ARSJ: variants seen among roughly 807,000 people sequenced by gnomAD.
ARSJ encodes the protein arylsulfatase family member J.
In ARSJ, 26 loss-of-function variants were observed where a neutral mutation model predicts 35.9. The observed-to-expected ratio is 0.72, with a 90% CI of 0.53 to 1.00. The LOEUF (loss-of-function observed/expected upper bound fraction) is 1.00. Ranked by LOEUF, ARSJ falls within the 50% of genes least tolerant of loss-of-function variation. The pLI is 0.00. For synonymous variants in ARSJ, 294 were observed against 267.6 expected, an observed-to-expected ratio of 1.10 and a Z score of -0.96; for missense variants, 667 against 723.6, an observed-to-expected ratio of 0.92 and a Z score of 0.90.
chr4:113,961,897 CTGTGTGTGTGTGTGTGTGTGTG>C (rs60701922), intron 1 of ARSJ, among the ~76,000 whole-genome samples: 29 of 148,146 alleles, frequency 2.0e-4, no homozygotes, highest in African/African-American at 4.0e-4. Flanking sequence ...CTCTCTCTCT[CTGTGTGTGTGTGTGTGTGTGTG>C]TGTGTGTGTG....
At chr4:113,965,174 A>G (rs1726813449) in intron 1 of ARSJ, among the ~76,000 whole-genome samples, 1 of 152,154 alleles carries the variant, frequency 6.6e-6, no homozygotes, top group Non-Finnish European at 1.5e-5. Context: ...GAAAGGTAAT[A>G]TTGACATCAT....
At chr4:113,924,789 G>A (rs1331405509) in intron 1 of ARSJ, among the ~76,000 whole-genome samples, 1 of 152,138 alleles carries the variant, frequency 6.6e-6, no homozygotes, top group Non-Finnish European at 1.5e-5. Context: ...CTTAACAAAA[G>A]AGGGAGGAAA....
Position 113,901,169 on chromosome 4 carries a change from C to T in ARSJ, c.*1105G>A, listed in dbSNP as rs927132450. On this transcript the variant is annotated 3_prime_UTR_variant, in exon 2 of 2. Transcript: ENST00000315366. ...TAGCTAGAAGTTAGATCAGAAAAGC[C>T]ACAGTAAATTTTCTAGTGCCATAAA... 1.3e-5 allele frequency: 2 copies of T among 151,982 alleles called. No individual in the cohort carries two copies. Among genetic ancestry groups the T allele is most frequent in the African/African-American group, 4.8e-5 (2 of 41,368 alleles). The allele number at this position is 151,982 out of a possible 1,614,324, so 9.4% of individuals were successfully genotyped here. A position where few individuals can be genotyped will look rare whatever the true frequency, so the allele number is the denominator to read the frequency against.
At chr4:113,965,430 G>A (rs1259710363) in intron 1 of ARSJ, among the ~76,000 whole-genome samples, 1 of 151,990 alleles carries the variant, frequency 6.6e-6, no homozygotes, top group Non-Finnish European at 1.5e-5. Context: ...TGTTGGAGTT[G>A]GAATCTTAGC....
intron 1 of ARSJ, among the ~76,000 whole-genome samples, chr4:113,941,844 AG>A (rs1400616866): frequency 7.9e-5 from 12 of 152,178 alleles, no homozygotes; most frequent in African/African-American, 2.9e-4. Context: ...TATCTACTTT[AG>A]CAGAATTCTG....
intron 1 of ARSJ, among the ~76,000 whole-genome samples, chr4:113,947,457 G>A (rs1210656844): frequency 1.3e-5 from 2 of 150,356 alleles, no homozygotes; most frequent in African/African-American, 2.4e-5. Context: ...TCCAGCCTGG[G>A]CAAGAGAATG....
In ARSJ at chr4:113,979,306, A is replaced by G. The variant is rs1043999954; in HGVS notation, c.-472T>C. 6.3e-6 allele frequency: 1 copy of G among 158,098 alleles called. No homozygotes were observed. Among genetic ancestry groups the G allele is most frequent in the African/African-American group, 2.4e-5 (1 of 41,506 alleles). 9.8% of individuals were successfully genotyped at this position (158,098 alleles called of 1,614,324 possible). ...TCTGTCCTGCGGTCCCCACACCTGG[A>G]AAGAACTGCGAAGTGGACGCGTCGC... On this transcript the variant is annotated 5_prime_UTR_variant, in exon 1 of 2. Coordinates refer to ENST00000315366, the MANE Select transcript of ARSJ (RefSeq NM_024590.4).
chr4:113,948,693 T>C (rs1188515104), intron 1 of ARSJ, among the ~76,000 whole-genome samples: 2 of 152,130 alleles, frequency 1.3e-5, no homozygotes, highest in African/African-American at 4.8e-5. Context: ...CCAAGTTTCA[T>C]AGCACATATT....
chr4:113,928,244 A>T (rs1450192056), intron 1 of ARSJ, among the ~76,000 whole-genome samples: 2 of 152,060 alleles, frequency 1.3e-5, no homozygotes, highest in African/African-American at 4.8e-5. Context: ...GCTCAGTTAC[A>T]CTTGTAAAAG....
intron 1 of ARSJ, among the ~76,000 whole-genome samples, chr4:113,945,151 A>T (rs1302280123): frequency 6.6e-6 from 1 of 151,988 alleles, no homozygotes; most frequent in African/African-American, 2.4e-5. Context: ...ATATACATAC[A>T]TATTTTAAGA....
At chr4:113,967,492 C>A (rs1398086067) in intron 1 of ARSJ, among the ~76,000 whole-genome samples, 1 of 152,036 alleles carries the variant, frequency 6.6e-6, no homozygotes, top group Non-Finnish European at 1.5e-5. Flanking sequence ...AAAGAATGGT[C>A]TTTTAAGTTC....
At chr4:113,933,669 G>A (rs896485584) in intron 1 of ARSJ, among the ~76,000 whole-genome samples, 38 of 151,674 alleles carry the variant, frequency 2.5e-4, no homozygotes, top group African/African-American at 8.5e-4. Flanking sequence ...AAAAGCTTCC[G>A]ATAAAATTCA....
At chr4:113,915,468 A>C (rs1301754551) in intron 1 of ARSJ, among the ~76,000 whole-genome samples, 3 of 152,112 alleles carry the variant, frequency 2.0e-5, no homozygotes, top group Non-Finnish European at 4.4e-5. Flanking sequence ...CCTGATATTT[A>C]TTATAGATCA....
intron 1 of ARSJ, among the ~76,000 whole-genome samples, chr4:113,940,786 A>G (rs1725106743): frequency 6.6e-6 from 1 of 152,066 alleles, no homozygotes; most frequent in South Asian, 2.1e-4. Flanking sequence ...AACATGGATT[A>G]AAATTTTAAA....
chr4:113,913,015 T>C (rs1297979032), intron 1 of ARSJ, among the ~76,000 whole-genome samples: 1 of 152,148 alleles, frequency 6.6e-6, no homozygotes, highest in Non-Finnish European at 1.5e-5. Context: ...ATGGACACAC[T>C]CACTCATCTC....
intron 1 of ARSJ, among the ~76,000 whole-genome samples, chr4:113,915,354 G>T (rs1723231507): frequency 6.6e-6 from 1 of 151,904 alleles, no homozygotes; most frequent in South Asian, 2.1e-4. Flanking sequence ...ATCAAGATAT[G>T]GAATTAACAT....
chr4:113,902,602 T>C lies in ARSJ; in HGVS notation c.1472A>G (p.Lys491Arg). 6.2e-7 allele frequency: 1 copy of C among 1,614,156 alleles called. No homozygotes were observed. Among genetic ancestry groups the C allele is most frequent in the Non-Finnish European group, 8.5e-7 (1 of 1,180,020 alleles). ...HNERITLSTG[K>R]SVWLFNITAD... Reference sequence around the variant, plus strand: ...TGTGATGTTGAAAAGCCATACACTTTTGCCAGTTGACAAGGTGATCCGTTC... The same window carrying C: ...TGTGATGTTGAAAAGCCATACACTTCTGCCAGTTGACAAGGTGATCCGTTC... Residue 491 changes from lysine (K) to arginine (R), a missense_variant, in exon 2 of 2, where the codon AAA (lysine) becomes AGA (arginine). Physicochemically the swap from Lys to Arg is conservative, Grantham distance 26 (BLOSUM62 2). Transcript: ENST00000315366.
intron 1 of ARSJ, among the ~76,000 whole-genome samples, chr4:113,965,428 T>C (rs143177300): frequency 8.1e-4 from 124 of 152,170 alleles, no homozygotes; most frequent in Non-Finnish European, 6.5e-4. Flanking sequence ...AGTGTTGGAG[T>C]TGGAATCTTA....
chr4:113,959,042 A>C (rs1454153682), intron 1 of ARSJ, among the ~76,000 whole-genome samples: 1 of 152,030 alleles, frequency 6.6e-6, no homozygotes, highest in African/African-American at 2.4e-5. Context: ...GGGAAGATAA[A>C]AATGATGACT....
Sources: allele counts gnomAD v4.1 joint callset (sites outside exome capture counted in the v4.1 genomes callset), GRCh38; gene constraint gnomAD v4.1.1; transcripts MANE v1.5; gene names NCBI Gene and HGNC (gene_info 2026-07-23, HGNC 2026-07-21).